The following ATRN variants were observed in gnomAD, a reference collection of about 807,000 sequenced individuals.
ATRN encodes attractin-2.
In ATRN, 54 loss-of-function variants were observed where a neutral mutation model predicts 178.7. That is an observed-to-expected ratio of 0.30 (90% confidence interval 0.24 to 0.38). ATRN has a LOEUF of 0.38. Among genes scored for constraint, ATRN ranks in the 10% least tolerant of loss-of-function variants. The pLI is 1.00. For missense variants in ATRN, 1,443 were observed against 1,815.1 expected, an observed-to-expected ratio of 0.79 and a Z score of 3.73; for synonymous variants, 636 against 663.0, an observed-to-expected ratio of 0.96 and a Z score of 0.63.
chr20:3,572,361 C>T (rs977008582), intron 11 of ATRN, among the ~76,000 whole-genome samples: 10 of 152,132 alleles, frequency 6.6e-5, no homozygotes, highest in African/African-American at 2.4e-4. Flanking sequence ...GTAGCTATGA[C>T]GAGGAGGCAG....
intron 20 of ATRN, 48 bp downstream of exon 20, chr20:3,594,620 C>T (rs759888409): frequency 2.6e-6 from 4 of 1,510,840 alleles, no homozygotes; most frequent in South Asian, 1.2e-5. Flanking sequence ...AGAGGCTGTG[C>T]AGCTGCCTGA....
chr20:3,616,524 A>G (rs235529), intron 24 of ATRN, among the ~76,000 whole-genome samples: 113,712 of 151,556 alleles, frequency 0.75, 43,111 homozygotes, highest in East Asian at 0.99. Context: ...TGGGGAAAGG[A>G]AATGACCAGC....
chr20:3,527,555 G>A (rs1252460969), intron 1 of ATRN, among the ~76,000 whole-genome samples: 1 of 152,164 alleles, frequency 6.6e-6, no homozygotes, highest in Admixed American at 6.6e-5. Context: ...ATTTGACCCA[G>A]CAATCCCATT....
At chr20:3,491,598 A>G (rs557362811) in intron 1 of ATRN, among the ~76,000 whole-genome samples, 2 of 152,194 alleles carry the variant, frequency 1.3e-5, no homozygotes, top group Non-Finnish European at 2.9e-5. Flanking sequence ...TGTTCTTCTC[A>G]GTCTGGGGAC....
At chr20:3,598,226 A>G (rs746848692) in intron 22 of ATRN, among the ~76,000 whole-genome samples, 3 of 152,222 alleles carry the variant, frequency 2.0e-5, no homozygotes, top group Non-Finnish European at 2.9e-5. Flanking sequence ...ACAGACTGAC[A>G]TTGATTCCAC....
intron 16 of ATRN, 44 bp downstream of exon 16, chr20:3,582,398 A>T (rs762440394): frequency 1.9e-6 from 3 of 1,565,304 alleles, no homozygotes; most frequent in Non-Finnish European, 1.8e-6. Flanking sequence ...GTTTATTGTG[A>T]GAGAAACCAT....
At chr20:3,573,860 G>A (rs1006119776) in intron 12 of ATRN, among the ~76,000 whole-genome samples, 2 of 151,894 alleles carry the variant, frequency 1.3e-5, no homozygotes, top group Non-Finnish European at 2.9e-5. Flanking sequence ...CACCTCCCAG[G>A]TTCAAGTGAT....
intron 24 of ATRN, among the ~76,000 whole-genome samples, chr20:3,614,786 C>G (rs1017840474): frequency 3.3e-5 from 5 of 152,140 alleles, no homozygotes; most frequent in African/African-American, 1.2e-4. Flanking sequence ...CCCTAGCAGT[C>G]AGTCCTCATT....
rs2087012079 is a variant in ATRN at position 3,634,537 on chromosome 20, A to T, written c.3942+148A>T. The T allele has an allele frequency of 9.3e-6, 6 of 647,690 alleles. No homozygotes were observed. The South Asian group carries it at 1.3e-4, about 14-fold the overall frequency. 40.1% of individuals were successfully genotyped at this position (647,690 alleles called of 1,614,324 possible). On this transcript the variant is annotated intron_variant, in intron 26 of 28. Coordinates refer to ENST00000262919, the MANE Select transcript of ATRN (RefSeq NM_139321.3). ...AATAATGCAGCCCTTTCTGCAGTCCATGGTTCTGCAGCATATGGTCAGTAG... is the reference window on the plus strand; with the variant it reads ...AATAATGCAGCCCTTTCTGCAGTCCTTGGTTCTGCAGCATATGGTCAGTAG...
rs558196805 is a variant in ATRN at position 3,547,578 on chromosome 20, A to G, written c.943+89A>G. 160 of 1,000,682 alleles carry G rather than the reference A, an allele frequency of 1.6e-4. 3 individuals carry two copies. The South Asian group carries it at 2.1e-3, about 13-fold the overall frequency. 62.0% of individuals were successfully genotyped at this position (1,000,682 alleles called of 1,614,324 possible). A position where few individuals can be genotyped will look rare whatever the true frequency, so the allele number is the denominator to read the frequency against. On this transcript the variant is annotated intron_variant, in intron 5 of 28. Coordinates refer to ENST00000262919, the MANE Select transcript of ATRN (RefSeq NM_139321.3). ...TAGATTGACTTTATTCTTAGCACCT[A>G]TATAATTTATATTAATCAAATACGA...
chr20:3,573,443 T>G (rs1343329994), intron 12 of ATRN, among the ~76,000 whole-genome samples: 1 of 152,248 alleles, frequency 6.6e-6, no homozygotes. Context: ...GATGCAGATC[T>G]AACATTAAGG....
At chr20:3,589,273 C>T (rs2146268652) in intron 18 of ATRN, among the ~76,000 whole-genome samples, 1 of 152,260 alleles carries the variant, frequency 6.6e-6, no homozygotes, top group Admixed American at 6.5e-5. Context: ...GCTGGGATTA[C>T]AGGCGTGAGC....
At chr20:3,639,505 G>T (rs138114815) in intron 27 of ATRN, among the ~76,000 whole-genome samples, 4 of 151,976 alleles carry the variant, frequency 2.6e-5, no homozygotes, top group Non-Finnish European at 4.4e-5. Context: ...CACCCACCTC[G>T]GCCTCCCAAA....
Position 3,539,145 on chromosome 20 carries a change from A to G in ATRN, c.495-1077A>G, listed in dbSNP as rs919292082. ...GAGATGTTAGAAAAGTGTGGGGTATAGGAAAGTTCTAAACTGGAGAAATAG... is the reference window on the plus strand; with the variant it reads ...GAGATGTTAGAAAAGTGTGGGGTATGGGAAAGTTCTAAACTGGAGAAATAG... On this transcript the variant is annotated intron_variant, in intron 2 of 28. Coordinates refer to ENST00000262919, the MANE Select transcript of ATRN (RefSeq NM_139321.3). Among the ~76,000 whole-genome samples, 173 of 152,322 alleles carry G rather than the reference A, an allele frequency of 1.1e-3. 2 individuals carry two copies. The highest frequency in any genetic ancestry group is 4.4e-4 in the Non-Finnish European group (30 of 68,020).
chr20:3,587,249 G>C (rs2086370716), intron 18 of ATRN, among the ~76,000 whole-genome samples: 1 of 152,098 alleles, frequency 6.6e-6, no homozygotes, highest in Non-Finnish European at 1.5e-5. Flanking sequence ...ATGTATCAAT[G>C]TTTTATTTTA....
At chr20:3,577,053 C>A in intron 14 of ATRN, 56 bp downstream of exon 14, 1 of 1,593,558 alleles carries the variant, frequency 6.3e-7, no homozygotes, top group South Asian at 1.1e-5. Flanking sequence ...AGCCTGCTTC[C>A]CCCAACACTG....
intron 13 of ATRN, among the ~76,000 whole-genome samples, 180 bp from the exon 14 acceptor site, chr20:3,576,679 A>ATCTGTTTG (rs1555819449): frequency 1.4e-5 from 2 of 142,220 alleles, no homozygotes; most frequent in African/African-American, 5.2e-5. Flanking sequence ...TTATCTATCT[A>ATCTGTTTG]TCTGTCTGTC....
At chr20:3,488,410 A>G (rs997219245) in intron 1 of ATRN, among the ~76,000 whole-genome samples, 1 of 152,162 alleles carries the variant, frequency 6.6e-6, no homozygotes, top group Non-Finnish European at 1.5e-5. Context: ...TGCTTTATGC[A>G]TATTCAGATT....
intron 3 of ATRN, among the ~76,000 whole-genome samples, chr20:3,544,496 T>TGTGGTGGTG (rs891845516): frequency 6.1e-4 from 93 of 151,654 alleles, no homozygotes; most frequent in African/African-American, 2.2e-3. Context: ...TTTTACCAAA[T>TGTGGTGGTG]GTGGTGGTGG....
Sources: allele counts gnomAD v4.1 joint callset (sites outside exome capture counted in the v4.1 genomes callset), GRCh38; gene constraint gnomAD v4.1.1; transcripts MANE v1.5; gene names NCBI Gene and HGNC (gene_info 2026-07-23, HGNC 2026-07-21).